OR1J2: variants seen among roughly 807,000 people sequenced by gnomAD.
The protein encoded by OR1J2 is olfactory receptor family 1 subfamily J member 2.
For synonymous variants in OR1J2, 142 were observed against 99.7 expected, an observed-to-expected ratio of 1.42 and a Z score of -2.52; for missense variants, 304 against 246.1, an observed-to-expected ratio of 1.24 and a Z score of -1.57.
chr9:122,567,834 A>G, the OR1J2 span: 1 of 1,614,118 alleles, frequency 6.2e-7, no homozygotes, highest in Non-Finnish European at 8.5e-7. Flanking sequence ...AGAGAAAGCA[A>G]TGCAGAGAAA....
chr9:122,554,315 C>G, the OR1J2 span: 4 of 623,534 alleles, frequency 6.4e-6, no homozygotes, highest in Non-Finnish European at 1.1e-5. Context: ...GTGTTTCATT[C>G]TTTTATTAGG....
At chr9:122,545,243 C>G in the OR1J2 span, among the ~76,000 whole-genome samples, 3 of 152,074 alleles carry the variant, frequency 2.0e-5, no homozygotes, top group South Asian at 4.1e-4. Context: ...ATGGCCCTCT[C>G]TATGGTTTAT....
the OR1J2 span, among the ~76,000 whole-genome samples, chr9:122,540,371 G>A: frequency 1.3e-5 from 2 of 152,160 alleles, no homozygotes; most frequent in Non-Finnish European, 2.9e-5. Context: ...ATTAAATAGG[G>A]AGTCCTTTCC....
chr9:122,550,274 A>G, the OR1J2 span, among the ~76,000 whole-genome samples: 1 of 152,286 alleles, frequency 6.6e-6, no homozygotes, highest in East Asian at 1.9e-4. Flanking sequence ...AACAACAACA[A>G]CAAAAAGCCC....
the OR1J2 span, among the ~76,000 whole-genome samples, chr9:122,531,891 A>C: frequency 1.3e-5 from 2 of 152,168 alleles, no homozygotes; most frequent in African/African-American, 4.8e-5. Flanking sequence ...GCCTCTACCT[A>C]TCCAGTGAAA....
At chr9:122,542,381 T>C in the OR1J2 span, among the ~76,000 whole-genome samples, 1 of 152,188 alleles carries the variant, frequency 6.6e-6, no homozygotes, top group East Asian at 1.9e-4. Context: ...GTAAGTAATA[T>C]TTAGCTTTAG....
chr9:122,463,422 T>C, the OR1J2 span, among the ~76,000 whole-genome samples: 4 of 152,252 alleles, frequency 2.6e-5, no homozygotes, highest in African/African-American at 9.6e-5. Context: ...ATTCTTTTTC[T>C]GGCACTTCAG....
chr9:122,481,359 A>T, the OR1J2 span, among the ~76,000 whole-genome samples: 6 of 152,224 alleles, frequency 3.9e-5, 1 homozygote, highest in African/African-American at 1.4e-4. Flanking sequence ...GTTTGATAAC[A>T]TTAAAATGAA....
At chr9:122,478,227 A>G in the OR1J2 span, among the ~76,000 whole-genome samples, 6 of 152,366 alleles carry the variant, frequency 3.9e-5, no homozygotes, top group East Asian at 3.9e-4. Context: ...AAGTGATTCA[A>G]TAGCCTTCAA....
chr9:122,529,886 C>G, the OR1J2 span, among the ~76,000 whole-genome samples: 1 of 152,204 alleles, frequency 6.6e-6, no homozygotes, highest in South Asian at 2.1e-4. Flanking sequence ...TCAAGTGACT[C>G]TGCTTACCAC....
chr9:122,501,261 A>G, the OR1J2 span, among the ~76,000 whole-genome samples: 4 of 152,154 alleles, frequency 2.6e-5, no homozygotes, highest in Non-Finnish European at 5.9e-5. Flanking sequence ...AGGAAAGACT[A>G]TGGTCCAGGA....
downstream of OR1J2, among the ~76,000 whole-genome samples, chr9:122,515,352 T>TTTTGTGTGTG (rs1554732982): frequency 2.2e-5 from 3 of 135,714 alleles, no homozygotes; most frequent in Non-Finnish European, 4.7e-5. Flanking sequence ...CAGGAGCAGG[T>TTTTGTGTGTG]TGTGTGTGTG....
At chr9:122,456,525 G>T in the OR1J2 span, among the ~76,000 whole-genome samples, 1 of 151,948 alleles carries the variant, frequency 6.6e-6, no homozygotes, top group Non-Finnish European at 1.5e-5. Flanking sequence ...GGAGAATCAT[G>T]GTTAAATCAC....
chr9:122,528,708 C>T, the OR1J2 span, among the ~76,000 whole-genome samples: 1 of 152,148 alleles, frequency 6.6e-6, no homozygotes, highest in African/African-American at 2.4e-5. Flanking sequence ...AAACTGAAGG[C>T]TTCTCAGGTA....
At chr9:122,458,770 G>T in the OR1J2 span, among the ~76,000 whole-genome samples, 1 of 152,190 alleles carries the variant, frequency 6.6e-6, no homozygotes, top group East Asian at 1.9e-4. Flanking sequence ...ATCATGGGGG[G>T]TGTTGCTTTT....
At chr9:122,496,497 C>T in the OR1J2 span, among the ~76,000 whole-genome samples, 12 of 152,044 alleles carry the variant, frequency 7.9e-5, no homozygotes, top group Admixed American at 7.2e-4. Context: ...AGGTATGAAT[C>T]CCAAATATCT....
At chr9:122,561,648 C>T in the OR1J2 span, among the ~76,000 whole-genome samples, 3 of 151,974 alleles carry the variant, frequency 2.0e-5, no homozygotes, top group African/African-American at 7.3e-5. Context: ...TCATCTGGTT[C>T]ACTCCTGCAC....
At chr9:122,448,194 T>A in the OR1J2 span, among the ~76,000 whole-genome samples, 1 of 152,104 alleles carries the variant, frequency 6.6e-6, no homozygotes. Flanking sequence ...AAAACATATG[T>A]GCAAAGGAAT....
At chr9:122,535,697 A>G in the OR1J2 span, among the ~76,000 whole-genome samples, 2 of 152,138 alleles carry the variant, frequency 1.3e-5, no homozygotes, top group African/African-American at 4.8e-5. Context: ...GCAGGAGGAC[A>G]GGGGATCTCC....
Sources: gnomAD v4.1 joint callset for allele counts (sites outside exome capture counted in the v4.1 genomes callset) on GRCh38, gnomAD v4.1.1 for gene constraint, MANE v1.5 for transcripts, NCBI Gene and HGNC (gene_info 2026-07-23, HGNC 2026-07-21) for gene names.